PJA2: variants seen among roughly 807,000 people sequenced by gnomAD.
PJA2 encodes the protein praja ring finger ubiquitin ligase 2.
Under a neutral mutation model 69.3 loss-of-function variants are expected in PJA2, and 25 were observed. The observed-to-expected ratio is 0.36, with a 90% CI of 0.26 to 0.50. The LOEUF (loss-of-function observed/expected upper bound fraction) is 0.50, where lower values mean the gene tolerates loss of function less well. Ranked by LOEUF, PJA2 falls within the 20% of genes least tolerant of loss-of-function variation. PJA2 has a pLI of 0.96. For missense variants in PJA2, 809 were observed against 830.2 expected (o/e 0.97, Z 0.31); for synonymous variants, 308 against 277.8 (o/e 1.11, Z -1.08).
At chr5:109,407,301 G>C (rs1747715158) in intron 1 of PJA2, among the ~76,000 whole-genome samples, 1 of 151,368 alleles carries the variant, frequency 6.6e-6, no homozygotes, top group South Asian at 2.1e-4. Flanking sequence ...CACCTCAAAA[G>C]ATGTCAAAAA....
At position 109,378,622 on chromosome 5, in the gene PJA2, C is replaced by T; in HGVS notation, c.865G>A (p.Gly289Ser). ...TGTTCACTACAAATATGCCCTGGAC[C>T]ACAGGCTGCATCTTCAGGTGAATGT... Reference protein sequence around the residue: ...TEHSPEDAACGPGHICSEQNT... With the variant: ...TEHSPEDAACSPGHICSEQNT... Residue 289 changes from glycine to serine, a missense_variant, in exon 4 of 10, where the codon GGT becomes AGT. Physicochemically the swap from Gly to Ser is moderately conservative, Grantham distance 56 (BLOSUM62 0). Coordinates refer to ENST00000361189, the MANE Select transcript of PJA2 (RefSeq NM_014819.5). The T allele has an allele frequency of 6.2e-7, 1 of 1,614,138 alleles. No individual in the cohort carries two copies. Among genetic ancestry groups the T allele is most frequent in the Non-Finnish European group, 8.5e-7 (1 of 1,180,022 alleles).
At chr5:109,404,494 C>T (rs887723626) in intron 1 of PJA2, among the ~76,000 whole-genome samples, 61 of 151,526 alleles carry the variant, frequency 4.0e-4, no homozygotes, top group African/African-American at 1.4e-3. Flanking sequence ...CCAGCCTAGC[C>T]GACAGAGCAA....
intron 9 of PJA2, among the ~76,000 whole-genome samples, chr5:109,340,669 T>TCC (rs1285232042): frequency 8.5e-5 from 1 of 11,710 alleles, no homozygotes; most frequent in African/African-American, 2.2e-4. Context: ...CCCCTCCCCC[T>TCC]CCCTCTCCCC....
intron 9 of PJA2, among the ~76,000 whole-genome samples, chr5:109,338,873 G>C (rs1761992437): frequency 6.6e-6 from 1 of 152,168 alleles, no homozygotes; most frequent in African/African-American, 2.4e-5. Flanking sequence ...AATCATTAAA[G>C]AGGAATCATC....
intron 6 of PJA2, among the ~76,000 whole-genome samples, chr5:109,358,904 T>G (rs779804688): frequency 6.6e-6 from 1 of 152,192 alleles, no homozygotes; most frequent in East Asian, 1.9e-4. Context: ...GGAAGTTTGA[T>G]AGTTTAAAAA....
rs1232349227 is a variant in PJA2 at position 109,344,702 on chromosome 5, T to C, written c.1879+3A>G. 3 of 1,602,790 alleles carry C rather than the reference T, an allele frequency of 1.9e-6. No individual in the cohort carries two copies. The East Asian group carries it at 6.7e-5, about 36-fold the overall frequency. On this transcript the variant is annotated splice_donor_region_variant and intron_variant, in intron 8 of 9. Transcript: ENST00000361189. ...CAACATTTGAGATCAACTTTGCCCT[T>C]ACCAGTGTGATCTTCAAGAACAAGG...
chr5:109,399,748 C>T (rs554711118), intron 1 of PJA2, among the ~76,000 whole-genome samples: 29 of 152,104 alleles, frequency 1.9e-4, no homozygotes, highest in Non-Finnish European at 3.5e-4. Context: ...AAAAAACCCT[C>T]TTTATCAAGA....
At chr5:109,344,987 C>G (rs1762149628) in intron 7 of PJA2, among the ~76,000 whole-genome samples, 168 bp from the exon 8 acceptor site, 2 of 152,088 alleles carry the variant, frequency 1.3e-5, no homozygotes. Context: ...ACCACCATCA[C>G]CAACAAACCA....
At position 109,363,131 on chromosome 5, in the gene PJA2, G is replaced by C. The variant is rs1561350093; in HGVS notation, c.1470-109C>G. On this transcript the variant is annotated intron_variant, in intron 5 of 9. Coordinates refer to ENST00000361189, the MANE Select transcript of PJA2 (RefSeq NM_014819.5). ...GGATTCTGTTGAGTTCTAAGCTCTT[G>C]GTACTTTTATAATTCTAAAAAACTG... is the stretch of plus-strand genomic sequence containing the variant. 5.6e-6 allele frequency: 5 copies of C among 892,936 alleles called. No individual in the cohort carries two copies. In the South Asian group the frequency reaches 1.7e-4, roughly 30 times the overall value. The allele number at this position is 892,936 out of a possible 1,614,324, so 55.3% of individuals were successfully genotyped here. A position where few individuals can be genotyped will look rare whatever the true frequency, so the allele number is the denominator to read the frequency against.
chr5:109,406,096 T>A (rs2127020873), intron 1 of PJA2, among the ~76,000 whole-genome samples: 1 of 145,956 alleles, frequency 6.9e-6, no homozygotes, highest in South Asian at 2.1e-4. Context: ...CAGGCTGGAG[T>A]GCAGTGGCAC....
At chr5:109,382,792 G>A (rs1158274051) in intron 2 of PJA2, among the ~76,000 whole-genome samples, 1 of 150,572 alleles carries the variant, frequency 6.6e-6, no homozygotes. Context: ...AGGTTGCAGT[G>A]AGCCAAGACT....
chr5:109,339,865 A>G lies in PJA2; in HGVS notation c.2002-2509T>C, dbSNP rs115788808. On this transcript the variant is annotated intron_variant, in intron 9 of 9. Transcript: ENST00000361189. ...TGTACAGCACAGCCATCTAGGCTGT[A>G]TTAACAAAATGCCAGATAAACAGAT... 4.9e-3 allele frequency among the ~76,000 whole-genome samples: 752 copies of G among 152,364 alleles called. 9 individuals are homozygous for G. The highest frequency in any genetic ancestry group is 0.016 in the African/African-American group (650 of 41,598).
chr5:109,394,603 T>C (rs1357108378), intron 1 of PJA2, among the ~76,000 whole-genome samples: 1 of 152,236 alleles, frequency 6.6e-6, no homozygotes, highest in Non-Finnish European at 1.5e-5. Context: ...GTTTAATCAC[T>C]GTGTTAGCAA....
intron 7 of PJA2, among the ~76,000 whole-genome samples, chr5:109,354,290 T>G (rs1762357946): frequency 7.1e-6 from 1 of 141,666 alleles, no homozygotes; most frequent in Non-Finnish European, 1.5e-5. Context: ...ATTAGATATC[T>G]ATGATATCTA....
At chr5:109,352,463 A>G (rs759196661) in intron 7 of PJA2, among the ~76,000 whole-genome samples, 59 of 152,266 alleles carry the variant, frequency 3.9e-4, no homozygotes, top group Non-Finnish European at 7.6e-4. Flanking sequence ...CTTAATCTTT[A>G]TGTATTTCTG....
At chr5:109,400,806 C>T (rs771520089) in intron 1 of PJA2, among the ~76,000 whole-genome samples, 19 of 151,628 alleles carry the variant, frequency 1.3e-4, no homozygotes, top group Admixed American at 3.3e-4. Flanking sequence ...GGTGAAACCC[C>T]GTCTCTACTA....
chr5:109,343,668 A>G (rs985601291), intron 9 of PJA2, among the ~76,000 whole-genome samples: 2 of 152,232 alleles, frequency 1.3e-5, no homozygotes, highest in Non-Finnish European at 2.9e-5. Context: ...ATTATTGTCT[A>G]TATTTTTAGA....
At chr5:109,343,289 A>AAAAAAG (rs1762112176) in intron 9 of PJA2, among the ~76,000 whole-genome samples, 1 of 59,630 alleles carries the variant, frequency 1.7e-5, no homozygotes, top group Non-Finnish European at 3.2e-5. Flanking sequence ...AAAAAAAAAA[A>AAAAAAG]AAAGAAAGAA....
At chr5:109,399,705 G>A (rs1348245176) in intron 1 of PJA2, among the ~76,000 whole-genome samples, 16 of 152,122 alleles carry the variant, frequency 1.1e-4, no homozygotes, top group Non-Finnish European at 2.4e-4. Context: ...CTGCCATTCA[G>A]TCAAAAATTA....
Sources: gnomAD v4.1 joint callset for allele counts (sites outside exome capture counted in the v4.1 genomes callset) on GRCh38, gnomAD v4.1.1 for gene constraint, MANE v1.5 for transcripts, NCBI Gene and HGNC (gene_info 2026-07-23, HGNC 2026-07-21) for gene names.